EXOC4: variants seen among roughly 807,000 people sequenced by gnomAD.
EXOC4 encodes the protein exocyst complex component 4.
Under a neutral mutation model 107.2 loss-of-function variants are expected in EXOC4, and 71 were observed. The observed-to-expected ratio is 0.66, with a 90% confidence interval of 0.55 to 0.81. The LOEUF (loss-of-function observed/expected upper bound fraction) is 0.81. Ranked by LOEUF, EXOC4 falls within the 30% of genes least tolerant of loss-of-function variation. The pLI is 0.00. For missense variants in EXOC4, 1,108 were observed against 1,189.6 expected (o/e 0.93, Z 1.01); for synonymous variants, 456 against 441.2 (o/e 1.03, Z -0.42).
chr7:133,878,342 G>A (rs956908447), intron 11 of EXOC4, among the ~76,000 whole-genome samples: 2 of 152,154 alleles, frequency 1.3e-5, no homozygotes, highest in Non-Finnish European at 2.9e-5. Context: ...CATTTTTCAT[G>A]ACAGTGATAC....
chr7:133,604,687 T>TTTCCTTCC (rs1335117999), intron 9 of EXOC4, among the ~76,000 whole-genome samples: 2 of 148,348 alleles, frequency 1.3e-5, no homozygotes, highest in South Asian at 4.2e-4. Flanking sequence ...TTTCTTTTTC[T>TTTCCTTCC]TTCCTTCCTT....
chr7:133,342,604 C>G (rs941518726), intron 5 of EXOC4, among the ~76,000 whole-genome samples: 1 of 152,130 alleles, frequency 6.6e-6, no homozygotes, highest in Non-Finnish European at 1.5e-5. Flanking sequence ...TTGATTATTC[C>G]CTCAAGTAAG....
chr7:133,624,883 G>A (rs745811013), intron 9 of EXOC4, among the ~76,000 whole-genome samples: 30 of 143,132 alleles, frequency 2.1e-4, no homozygotes, highest in African/African-American at 7.6e-4. Flanking sequence ...GTGAGCCACC[G>A]CGCCCAGCCT....
intron 10 of EXOC4, among the ~76,000 whole-genome samples, chr7:133,776,632 G>A (rs1395665657): frequency 3.3e-5 from 5 of 152,120 alleles, no homozygotes; most frequent in Admixed American, 3.3e-4. Context: ...TTCAATTCAT[G>A]TTTGATTTGT....
intron 11 of EXOC4, among the ~76,000 whole-genome samples, chr7:133,835,622 A>T (rs1005599865): frequency 2.0e-5 from 3 of 152,188 alleles, no homozygotes; most frequent in Non-Finnish European, 4.4e-5. Context: ...AGATTAGTGA[A>T]TTGGGGGTCC....
chr7:133,329,936 A>G (rs1310934238), intron 5 of EXOC4, among the ~76,000 whole-genome samples: 1 of 152,160 alleles, frequency 6.6e-6, no homozygotes, highest in South Asian at 2.1e-4. Context: ...GACCCTTAGC[A>G]GAGCTCAAAT....
chr7:133,297,791 G>A (rs1794551643), intron 3 of EXOC4, among the ~76,000 whole-genome samples: 1 of 152,154 alleles, frequency 6.6e-6, no homozygotes, highest in Non-Finnish European at 1.5e-5. Context: ...TTCTATTCTG[G>A]TGCTACCATC....
intron 7 of EXOC4, among the ~76,000 whole-genome samples, chr7:133,402,626 A>C (rs1401991931): frequency 6.6e-6 from 1 of 151,676 alleles, no homozygotes; most frequent in Non-Finnish European, 1.5e-5. Flanking sequence ...AGCCTCCCAA[A>C]TAGCTGGGAT....
At chr7:133,745,629 T>G (rs893101666) in intron 10 of EXOC4, among the ~76,000 whole-genome samples, 1 of 151,700 alleles carries the variant, frequency 6.6e-6, no homozygotes, top group African/African-American at 2.4e-5. Flanking sequence ...AACAAGCATT[T>G]AAACATTTTT....
rs556004281 is a variant in EXOC4 at position 133,256,410 on chromosome 7, A to G, written c.86+3223A>G. 5.3e-5 allele frequency among the ~76,000 whole-genome samples: 8 copies of G among 152,350 alleles called. No individual in the cohort carries two copies. In the East Asian group the frequency reaches 1.5e-3, roughly 29 times the overall value. On this transcript the variant is annotated intron_variant, in intron 1 of 17. Transcript: ENST00000253861. ...CTTTGGCAACAAGCCACAAAAAGGA[A>G]AACCCATGTTAGGCTCGTGTTTATA...
intron 14 of EXOC4, among the ~76,000 whole-genome samples, chr7:133,967,513 T>C (rs956788710): frequency 3.3e-5 from 5 of 152,222 alleles, no homozygotes; most frequent in African/African-American, 1.2e-4. Flanking sequence ...GTCTGAGAGA[T>C]TCTGGTATGT....
At chr7:133,801,451 G>A (rs936497184) in intron 10 of EXOC4, among the ~76,000 whole-genome samples, 3 of 152,202 alleles carry the variant, frequency 2.0e-5, no homozygotes, top group East Asian at 1.9e-4. Flanking sequence ...TGTGTTTTTC[G>A]CTACTGTGCA....
chr7:133,291,856 C>A (rs1443254743), intron 3 of EXOC4, among the ~76,000 whole-genome samples: 4 of 152,110 alleles, frequency 2.6e-5, no homozygotes, highest in African/African-American at 9.7e-5. Context: ...TTTATTGAAT[C>A]CTTTTTCTAC....
chr7:133,791,199 T>G (rs567376175), intron 10 of EXOC4, among the ~76,000 whole-genome samples: 1 of 152,198 alleles, frequency 6.6e-6, no homozygotes, highest in Non-Finnish European at 1.5e-5. Flanking sequence ...GCTGCCTGTT[T>G]AGGCTACCCA....
At chr7:133,415,215 T>A (rs1002988094) in intron 7 of EXOC4, among the ~76,000 whole-genome samples, 1 of 152,212 alleles carries the variant, frequency 6.6e-6, no homozygotes, top group East Asian at 1.9e-4. Flanking sequence ...TTGTAGCTAT[T>A]ATGAATAATG....
chr7:133,808,831 C>A (rs1292918470), intron 10 of EXOC4, among the ~76,000 whole-genome samples: 1 of 151,976 alleles, frequency 6.6e-6, no homozygotes, highest in Non-Finnish European at 1.5e-5. Context: ...CATAAATAGT[C>A]CATGATTTCC....
intron 10 of EXOC4, among the ~76,000 whole-genome samples, chr7:133,706,099 T>G (rs537204010): frequency 3.5e-4 from 54 of 152,324 alleles, no homozygotes; most frequent in African/African-American, 1.2e-3. Context: ...CTGCCTTTTC[T>G]GTCAGGTTGT....
At chr7:133,855,094 T>TATATCTAAATATATCTAA (rs1554409756) in intron 11 of EXOC4, among the ~76,000 whole-genome samples, 7 of 84,424 alleles carry the variant, frequency 8.3e-5, no homozygotes, top group East Asian at 6.0e-4. Flanking sequence ...TATATATAAA[T>TATATCTAAATATATCTAA]ATATATATAA....
the EXOC4 span, among the ~76,000 whole-genome samples, chr7:134,100,934 C>T: frequency 8.9e-3 from 1,108 of 125,174 alleles, 157 homozygotes; most frequent in African/African-American, 0.028. Context: ...CAGAGCAAGA[C>T]TCCATCTAAA....
Sources: gnomAD v4.1 joint callset for allele counts (sites outside exome capture counted in the v4.1 genomes callset) on GRCh38, gnomAD v4.1.1 for gene constraint, MANE v1.5 for transcripts, NCBI Gene and HGNC (gene_info 2026-07-23, HGNC 2026-07-21) for gene names.